Variants in CAST observed in about 807,000 individuals in gnomAD.
The protein encoded by CAST is MIR583 host.
A neutral mutation model predicts 119.6 loss-of-function variants in CAST; 76 were observed. That is an observed-to-expected ratio of 0.64 (90% CI 0.53 to 0.77). The LOEUF is 0.77. Ranked by LOEUF, CAST falls within the 30% of genes least tolerant of loss-of-function variation. The probability of loss-of-function intolerance (pLI) is 0.00; values close to 1 mark genes in which losing one functional copy is unlikely to be tolerated. For missense variants in CAST, 953 were observed against 946.5 expected, an observed-to-expected ratio of 1.01 and a Z score of -0.09; for synonymous variants, 319 against 331.6, an observed-to-expected ratio of 0.96 and a Z score of 0.41.
chr5:96,145,499 G>A, the CAST span, among the ~76,000 whole-genome samples: 1 of 152,136 alleles, frequency 6.6e-6, no homozygotes, highest in African/African-American at 2.4e-5. Context: ...ATTACTACAA[G>A]CTTCCAGAGC....
chr5:96,145,921 G>A, the CAST span, among the ~76,000 whole-genome samples: 9 of 152,134 alleles, frequency 5.9e-5, no homozygotes, highest in Non-Finnish European at 1.0e-4. Context: ...GCTGACAGCT[G>A]GTAGCTCAGT....
At chr5:96,329,402 C>T in the CAST span, among the ~76,000 whole-genome samples, 3 of 152,210 alleles carry the variant, frequency 2.0e-5, no homozygotes, top group African/African-American at 7.2e-5. Context: ...TTCTGGCTCC[C>T]TCAGGAAAAA....
chr5:96,314,770 T>C, the CAST span, among the ~76,000 whole-genome samples: 37 of 152,230 alleles, frequency 2.4e-4, no homozygotes, highest in African/African-American at 8.4e-4. Context: ...TTCACATTTC[T>C]GTATCCTTCC....
chr5:96,309,859 G>A, the CAST span, among the ~76,000 whole-genome samples: 1 of 152,216 alleles, frequency 6.6e-6, no homozygotes, highest in African/African-American at 2.4e-5. Flanking sequence ...CTTCTGCGTT[G>A]ATCTTGCTGG....
the CAST span, among the ~76,000 whole-genome samples, chr5:96,293,500 A>G: frequency 6.6e-6 from 1 of 150,484 alleles, no homozygotes; most frequent in African/African-American, 2.5e-5. Flanking sequence ...CTGGTCTTGA[A>G]CTCCTGACCT....
At chr5:96,667,087 TTAA>T (rs1486742935) in intron 1 of CAST, among the ~76,000 whole-genome samples, 3 of 152,260 alleles carry the variant, frequency 2.0e-5, no homozygotes, top group Non-Finnish European at 4.4e-5. Context: ...TGTCTTCCAG[TTAA>T]GAAAAATGCA....
the CAST span, among the ~76,000 whole-genome samples, chr5:96,212,100 T>G: frequency 6.6e-6 from 1 of 152,244 alleles, no homozygotes; most frequent in South Asian, 2.1e-4. Context: ...ATTGATTTTT[T>G]GTATTGTTTT....
At chr5:96,019,694 TAA>T in the CAST span, among the ~76,000 whole-genome samples, 1 of 152,334 alleles carries the variant, frequency 6.6e-6, no homozygotes, top group East Asian at 1.9e-4. Context: ...CTCCCTCCCA[TAA>T]ATTCATGTTC....
intron 1 of CAST, among the ~76,000 whole-genome samples, chr5:96,604,556 A>G (rs1747216665): frequency 6.6e-6 from 1 of 152,222 alleles, no homozygotes; most frequent in Admixed American, 6.5e-5. Flanking sequence ...GACTTGAGTA[A>G]GTAAAAGAGG....
the CAST span, among the ~76,000 whole-genome samples, chr5:96,238,663 G>C: frequency 6.6e-6 from 1 of 151,508 alleles, no homozygotes; most frequent in South Asian, 2.1e-4. Flanking sequence ...GCCTGCCAAA[G>C]TGCTGGGATT....
At chr5:96,106,416 T>G in the CAST span, among the ~76,000 whole-genome samples, 2 of 152,220 alleles carry the variant, frequency 1.3e-5, no homozygotes, top group African/African-American at 4.8e-5. Context: ...GATTCTGGTA[T>G]GTTGTGTTTT....
the CAST span, among the ~76,000 whole-genome samples, chr5:96,496,929 A>G: frequency 3.6e-4 from 55 of 151,910 alleles, no homozygotes; most frequent in African/African-American, 1.3e-3. Context: ...TTACATATGC[A>G]TACATGTGCC....
intron 1 of CAST, among the ~76,000 whole-genome samples, chr5:96,569,078 A>G (rs1746527546): frequency 6.6e-6 from 1 of 152,208 alleles, no homozygotes; most frequent in Non-Finnish European, 1.5e-5. Flanking sequence ...GACACATTTT[A>G]GGATCATGAG....
At chr5:96,417,344 C>T in the CAST span, among the ~76,000 whole-genome samples, 1 of 152,110 alleles carries the variant, frequency 6.6e-6, no homozygotes, top group African/African-American at 2.4e-5. Flanking sequence ...AATTCAAGAT[C>T]TTTCCTGATG....
At chr5:96,406,054 A>T in the CAST span, among the ~76,000 whole-genome samples, 1 of 152,108 alleles carries the variant, frequency 6.6e-6, no homozygotes, top group Non-Finnish European at 1.5e-5. Flanking sequence ...TCCAGTCCAG[A>T]CCCCTCATCA....
chr5:96,425,012 GAAAGAAAGAAAGAAAGAAAGAAAGAAA>G, the CAST span, among the ~76,000 whole-genome samples: 1 of 19,740 alleles, frequency 5.1e-5, no homozygotes, highest in African/African-American at 1.7e-4. Context: ...AGAAAGAAAA[GAAAGAAAGAAAGAAAGAAAGAAAGAAA>G]GAAAGAAAGA....
chr5:96,373,922 A>AT, the CAST span, among the ~76,000 whole-genome samples: 5 of 151,770 alleles, frequency 3.3e-5, no homozygotes, highest in Non-Finnish European at 5.9e-5. Context: ...AATTTTTGGT[A>AT]TTTTTTGCAG....
At chr5:95,981,161 C>T in the CAST span, among the ~76,000 whole-genome samples, 5 of 152,164 alleles carry the variant, frequency 3.3e-5, no homozygotes, top group African/African-American at 7.2e-5. Flanking sequence ...AGGCTCCAAG[C>T]ACCCTGTGTA....
the CAST span, among the ~76,000 whole-genome samples, chr5:96,395,968 G>A: frequency 6.6e-6 from 1 of 152,104 alleles, no homozygotes; most frequent in South Asian, 2.1e-4. Context: ...AGAAGTGTAA[G>A]GTCAGATTTT....
Sources: allele counts gnomAD v4.1 joint callset (sites outside exome capture counted in the v4.1 genomes callset), GRCh38; gene constraint gnomAD v4.1.1; transcripts MANE v1.5; gene names NCBI Gene and HGNC (gene_info 2026-07-23, HGNC 2026-07-21).